BRD10: variants seen among roughly 807,000 people sequenced by gnomAD.
BRD10 encodes the protein bromodomain containing 10, also known as uncharacterized bromodomain-containing protein 10.
the BRD10 span, among the ~76,000 whole-genome samples, chr9:5,915,749 A>AT: frequency 6.6e-6 from 1 of 152,084 alleles, no homozygotes; most frequent in Non-Finnish European, 1.5e-5. Context: ...TTATTTTACT[A>AT]TTTTTTGTAT....
At chr9:5,994,391 C>T in the BRD10 span, among the ~76,000 whole-genome samples, 2 of 152,154 alleles carry the variant, frequency 1.3e-5, no homozygotes, top group African/African-American at 4.8e-5. Context: ...CTATAAGCTA[C>T]CTCACACACA....
At chr9:5,923,669 TTC>T in the BRD10 span, among the ~76,000 whole-genome samples, 1 of 152,234 alleles carries the variant, frequency 6.6e-6, no homozygotes, top group Non-Finnish European at 1.5e-5. Flanking sequence ...AGGAATCTAG[TTC>T]TCTTTTTCTA....
At chr9:5,911,409 T>G in the BRD10 span, among the ~76,000 whole-genome samples, 4 of 151,482 alleles carry the variant, frequency 2.6e-5, no homozygotes, top group East Asian at 3.9e-4. Context: ...ATGTGTGTTT[T>G]TTTTTTTTTT....
chr9:5,882,323 A>G, the BRD10 span, among the ~76,000 whole-genome samples: 1 of 152,088 alleles, frequency 6.6e-6, no homozygotes, highest in Non-Finnish European at 1.5e-5. Flanking sequence ...GGTGTTAAAT[A>G]CCACCCCTTA....
At chr9:5,965,368 G>C in the BRD10 span, among the ~76,000 whole-genome samples, 2 of 151,586 alleles carry the variant, frequency 1.3e-5, no homozygotes, top group African/African-American at 4.8e-5. Flanking sequence ...TTTTCTTCAA[G>C]ACTTTCCAGA....
the BRD10 span, among the ~76,000 whole-genome samples, chr9:6,005,128 G>A: frequency 6.6e-6 from 1 of 152,184 alleles, no homozygotes; most frequent in African/African-American, 2.4e-5. Context: ...TAAGTATTCT[G>A]AGCATTAACG....
the BRD10 span, among the ~76,000 whole-genome samples, chr9:5,935,187 ACT>A: frequency 2.0e-5 from 3 of 152,168 alleles, no homozygotes; most frequent in African/African-American, 7.2e-5. Flanking sequence ...TTCTCTTGAT[ACT>A]CTTACCAATT....
the BRD10 span, among the ~76,000 whole-genome samples, chr9:5,882,402 G>A: frequency 6.6e-6 from 1 of 152,210 alleles, no homozygotes; most frequent in African/African-American, 2.4e-5. Context: ...CCAAACAAGT[G>A]TGAAAGTAGT....
chr9:6,000,310 AG>A, the BRD10 span, among the ~76,000 whole-genome samples: 1 of 152,184 alleles, frequency 6.6e-6, no homozygotes, highest in African/African-American at 2.4e-5. Context: ...CCAATTAAAA[AG>A]AAAAAACTTC....
the BRD10 span, among the ~76,000 whole-genome samples, chr9:5,925,899 T>G: frequency 2.0e-5 from 3 of 152,186 alleles, no homozygotes; most frequent in Admixed American, 6.5e-5. Context: ...AAAATAAACA[T>G]GAACATATGT....
the BRD10 span, chr9:5,945,054 C>G: frequency 4.0e-6 from 2 of 506,116 alleles, no homozygotes; most frequent in Non-Finnish European, 6.9e-6. Flanking sequence ...ACTGAATTCA[C>G]AATTATTTTT....
chr9:5,955,796 G>A, the BRD10 span, among the ~76,000 whole-genome samples: 1 of 152,130 alleles, frequency 6.6e-6, no homozygotes, highest in African/African-American at 2.4e-5. Context: ...CCTTATAACA[G>A]AAGTATACTC....
At chr9:5,954,790 CA>C in the BRD10 span, among the ~76,000 whole-genome samples, 1 of 152,052 alleles carries the variant, frequency 6.6e-6, no homozygotes, top group Admixed American at 6.6e-5. Flanking sequence ...TACATACATG[CA>C]TAAAAATTCT....
At chr9:5,921,686 G>A in the BRD10 span, 2 of 1,613,874 alleles carry the variant, frequency 1.2e-6, no homozygotes, top group East Asian at 4.5e-5. Context: ...TTGCTGTTTA[G>A]TTGGAGTATG....
At chr9:5,889,627 A>G in the BRD10 span, among the ~76,000 whole-genome samples, 1 of 152,138 alleles carries the variant, frequency 6.6e-6, no homozygotes, top group Non-Finnish European at 1.5e-5. Context: ...TCTACTAAAA[A>G]TACAAAAATT....
the BRD10 span, among the ~76,000 whole-genome samples, chr9:5,952,263 C>T: frequency 6.6e-6 from 1 of 151,968 alleles, no homozygotes; most frequent in African/African-American, 2.4e-5. Context: ...TCAGGTGATC[C>T]GCCTGCCTCG....
chr9:5,939,816 T>C, the BRD10 span, among the ~76,000 whole-genome samples: 2 of 152,234 alleles, frequency 1.3e-5, no homozygotes, highest in African/African-American at 2.4e-5. Flanking sequence ...CAGTGTAGGA[T>C]GTTCAGCAGC....
At chr9:5,911,689 C>A in the BRD10 span, among the ~76,000 whole-genome samples, 1 of 151,890 alleles carries the variant, frequency 6.6e-6, no homozygotes, top group Non-Finnish European at 1.5e-5. Context: ...TGTGTGCCCC[C>A]ATGCCCAGCT....
the BRD10 span, among the ~76,000 whole-genome samples, chr9:5,986,085 G>A: frequency 2.4e-4 from 37 of 152,222 alleles, no homozygotes; most frequent in African/African-American, 8.4e-4. Flanking sequence ...TAGGTATTAC[G>A]TTCAGCATGC....
Sources: gnomAD v4.1 joint callset for allele counts (sites outside exome capture counted in the v4.1 genomes callset) on GRCh38, gnomAD v4.1.1 for gene constraint, MANE v1.5 for transcripts, NCBI Gene and HGNC (gene_info 2026-07-23, HGNC 2026-07-21) for gene names.